The following TENM1 variants were observed in gnomAD, a reference collection of about 807,000 sequenced individuals.
TENM1 encodes teneurin-1.
A neutral mutation model predicts 174.8 loss-of-function variants in TENM1; 35 were observed. The observed-to-expected ratio is 0.20, with a 90% CI of 0.15 to 0.27. The LOEUF (loss-of-function observed/expected upper bound fraction) is 0.27. Ranked by LOEUF, TENM1 falls within the 10% of genes least tolerant of loss-of-function variation. The pLI, the probability that TENM1 is intolerant of heterozygous loss-of-function variation, is 1.00. For missense variants in TENM1, 1,633 were observed against 2,130.1 expected, an observed-to-expected ratio of 0.77 and a Z score of 4.59; for synonymous variants, 781 against 798.7, an observed-to-expected ratio of 0.98 and a Z score of 0.37.
chrX:124,861,354 G>T (rs893124197), intron 3 of TENM1, among the ~76,000 whole-genome samples: 1 of 111,561 alleles, frequency 9.0e-6, no homozygotes, highest in Non-Finnish European at 1.9e-5. Flanking sequence ...GGGAGGACTG[G>T]TAAAAATGTC....
chrX:124,584,375 A>T (rs1182270489), intron 11 of TENM1, among the ~76,000 whole-genome samples: 1 of 111,074 alleles, frequency 9.0e-6, no homozygotes, highest in African/African-American at 3.3e-5. Flanking sequence ...AGTGGGGGCC[A>T]ATATTCAACA....
At chrX:125,180,257 C>T in the TENM1 span, among the ~76,000 whole-genome samples, 2 of 82,278 alleles carry the variant, frequency 2.4e-5, no homozygotes, top group Admixed American at 1.5e-4. Flanking sequence ...TTAGTAGAGA[C>T]GGAGTTTCAC....
At chrX:124,554,441 C>G (rs992708701) in intron 14 of TENM1, among the ~76,000 whole-genome samples, 2 of 111,778 alleles carry the variant, frequency 1.8e-5, no homozygotes, top group African/African-American at 6.5e-5. Context: ...GCAGTTGCAT[C>G]TGGAGGCACT....
chrX:124,853,898 G>A (rs2056767597), intron 3 of TENM1, among the ~76,000 whole-genome samples: 1 of 111,292 alleles, frequency 9.0e-6, no homozygotes, highest in African/African-American at 3.3e-5. Context: ...TAATGGTTGA[G>A]GATTGGCAAG....
chrX:124,832,982 C>T (rs948839050), intron 3 of TENM1, among the ~76,000 whole-genome samples: 3 of 111,569 alleles, frequency 2.7e-5, no homozygotes, highest in African/African-American at 6.5e-5. Flanking sequence ...TGGTTGCGTG[C>T]ATTTTGACCA....
chrX:124,471,695 T>C (rs1446716870), intron 22 of TENM1, among the ~76,000 whole-genome samples: 1 of 87,708 alleles, frequency 1.1e-5, no homozygotes, highest in Non-Finnish European at 2.1e-5. Flanking sequence ...ATATAATATA[T>C]AATATAGAAT....
At chrX:124,881,365 A>C (rs887164122) in intron 3 of TENM1, among the ~76,000 whole-genome samples, 1 of 110,673 alleles carries the variant, frequency 9.0e-6, no homozygotes, top group African/African-American at 3.3e-5. Flanking sequence ...CTATGATATC[A>C]GTTTTTGTTA....
chrX:124,634,967 T>C, intron 11 of TENM1, among the ~76,000 whole-genome samples: 1 of 111,976 alleles, frequency 8.9e-6, no homozygotes, highest in South Asian at 3.8e-4. Context: ...TATGTGTGTA[T>C]GTATGTGTAT....
rs184756923 is a variant in TENM1 at position 124,530,293 on chromosome X, T to A, written c.2652-310A>T. ...TATATAATACACCCTTAAATTAGTA[T>A]CCTATAACTTGCTTAACCTACCCCT... On this transcript the variant is annotated intron_variant, in intron 15 of 31. Transcript: ENST00000422452. 3.6e-5 allele frequency among the ~76,000 whole-genome samples: 4 copies of A among 110,744 alleles called. No individual in the cohort carries two copies. In the East Asian group the frequency reaches 1.1e-3, roughly 31 times the overall value.
the TENM1 span, among the ~76,000 whole-genome samples, chrX:125,049,262 T>G: frequency 1.2e-3 from 133 of 111,919 alleles, 1 homozygote; most frequent in African/African-American, 3.8e-3. Flanking sequence ...TCCCCAACAG[T>G]GGCAACCAAT....
rs878906171 is a variant in TENM1 at position 124,520,791 on chromosome X, T to C, written c.3034-7A>G. 9.7e-7 allele frequency: 1 copy of C among 1,035,650 alleles called. No individual in the cohort carries two copies. Among genetic ancestry groups the C allele is most frequent in the Non-Finnish European group, 1.3e-6 (1 of 797,536 alleles). 85.3% of individuals were successfully genotyped at this position (1,035,650 alleles called of 1,213,427 possible). A position where few individuals can be genotyped will look rare whatever the true frequency, so the allele number is the denominator to read the frequency against. The stretch of plus-strand genomic sequence containing the variant: ...GAATTTCCTCCTGTACAACCTGAAA[T>C]AAAAAAAAAAAAAAAAAGCCAAATA... On this transcript the variant is annotated splice_polypyrimidine_tract_variant and splice_region_variant and intron_variant, in intron 17 of 31. Transcript: ENST00000422452.
intron 4 of TENM1, among the ~76,000 whole-genome samples, chrX:124,730,470 G>C (rs1281569289): frequency 9.0e-6 from 1 of 111,097 alleles, no homozygotes; most frequent in Non-Finnish European, 1.9e-5. Context: ...TGAGAAAACC[G>C]AGACATGGTG....
chrX:124,997,123 G>A, the TENM1 span, among the ~76,000 whole-genome samples: 1 of 110,997 alleles, frequency 9.0e-6, no homozygotes, highest in Admixed American at 9.6e-5. Context: ...AAAGGATAAG[G>A]CAAATCAGGG....
chrX:125,044,229 A>T, the TENM1 span, among the ~76,000 whole-genome samples: 1 of 105,069 alleles, frequency 9.5e-6, no homozygotes, highest in Non-Finnish European at 1.9e-5. Flanking sequence ...AAAATAAAAA[A>T]AAAAGAATAT....
intron 5 of TENM1, among the ~76,000 whole-genome samples, chrX:124,683,899 G>T (rs1411546916): frequency 8.9e-6 from 1 of 111,924 alleles, no homozygotes; most frequent in Non-Finnish European, 1.9e-5. Flanking sequence ...GATATCAATA[G>T]ATGTGGGAAA....
At position 124,564,340 on chromosome X, in the gene TENM1, G is replaced by A. The variant is rs189886441; in HGVS notation, c.2264-568C>T. ...AGTTTATGAAGATTATATGTTATAT[G>A]TATTATATATATTATACATTACTTT... On this transcript the variant is annotated intron_variant, in intron 12 of 31. Coordinates refer to ENST00000422452, the Ensembl canonical transcript of TENM1. 8.6e-3 allele frequency among the ~76,000 whole-genome samples: 958 copies of A among 111,804 alleles called. 12 individuals are homozygous for A. Among genetic ancestry groups the A allele is most frequent in the African/African-American group, 0.029 (905 of 30,789 alleles).
intron 15 of TENM1, among the ~76,000 whole-genome samples, chrX:124,539,103 T>A (rs1347398612): frequency 9.0e-6 from 1 of 111,691 alleles, no homozygotes. Context: ...TATGCAGTAA[T>A]TCCTTGACAA....
intron 14 of TENM1, among the ~76,000 whole-genome samples, chrX:124,561,361 C>T (rs932516169): frequency 9.0e-6 from 1 of 110,758 alleles, no homozygotes; most frequent in Non-Finnish European, 1.9e-5. Context: ...CACTTACTAT[C>T]CCCACCCAGA....
chrX:124,566,170 CT>C (rs1275429272), intron 11 of TENM1, among the ~76,000 whole-genome samples: 1 of 112,000 alleles, frequency 8.9e-6, no homozygotes, highest in Non-Finnish European at 1.9e-5. Flanking sequence ...AAGATAATAA[CT>C]TTCTAATAAA....
Sources: gnomAD v4.1 joint callset for allele counts (sites outside exome capture counted in the v4.1 genomes callset) on GRCh38, gnomAD v4.1.1 for gene constraint, MANE v1.5 for transcripts, NCBI Gene and HGNC (gene_info 2026-07-23, HGNC 2026-07-21) for gene names.